MAGI1: variants seen among roughly 807,000 people sequenced by gnomAD.
MAGI1 encodes membrane-associated guanylate kinase, WW and PDZ domain-containing protein 1.
MAGI1 carries 58 observed loss-of-function variants against 139.9 expected under a neutral mutation model. The ratio of observed to expected loss-of-function variants is 0.41; its 90% CI spans 0.34 to 0.52. MAGI1 has a LOEUF of 0.52. Among genes scored for constraint, MAGI1 ranks in the 20% least tolerant of loss-of-function variants. The pLI, the probability that MAGI1 is intolerant of heterozygous loss-of-function variation, is 0.12. For missense variants in MAGI1, 1,874 were observed against 1,901.6 expected (o/e 0.99, Z 0.27); for synonymous variants, 812 against 737.9 (o/e 1.10, Z -1.63).
chr3:65,736,589 G>A (rs901116865), intron 1 of MAGI1, among the ~76,000 whole-genome samples: 12 of 152,094 alleles, frequency 7.9e-5, no homozygotes. Flanking sequence ...GGCAGCACTG[G>A]TATAAATCCT....
chr3:65,585,677 G>A (rs2081639804), intron 2 of MAGI1, among the ~76,000 whole-genome samples: 1 of 152,100 alleles, frequency 6.6e-6, no homozygotes, highest in Non-Finnish European at 1.5e-5. Context: ...TATCTACCTA[G>A]CAAAATGAAA....
chr3:65,453,370 T>C (rs762675742), intron 5 of MAGI1, 30 bp from the exon 6 acceptor site: 5 of 1,515,086 alleles, frequency 3.3e-6, no homozygotes, highest in East Asian at 2.3e-5. Flanking sequence ...ATAAGAAATT[T>C]GTTTGAAAAA....
At chr3:65,807,510 A>G (rs1295135712) in intron 1 of MAGI1, among the ~76,000 whole-genome samples, 3 of 152,180 alleles carry the variant, frequency 2.0e-5, no homozygotes, top group Admixed American at 6.5e-5. Context: ...CAGGAGAGGG[A>G]CACTTTCACA....
chr3:65,911,284 A>G (rs182085848), intron 1 of MAGI1, among the ~76,000 whole-genome samples: 641 of 152,070 alleles, frequency 4.2e-3, no homozygotes, highest in Non-Finnish European at 6.5e-3. Context: ...AAACTGGGAC[A>G]TTTGAACGTT....
intron 1 of MAGI1, among the ~76,000 whole-genome samples, chr3:65,734,886 G>A (rs2034578557): frequency 6.7e-6 from 1 of 149,488 alleles, no homozygotes; most frequent in African/African-American, 2.5e-5. Context: ...TGGGAGGTGA[G>A]GGGAGGAGAA....
At chr3:66,024,946 G>A (rs2068167530) in intron 1 of MAGI1, among the ~76,000 whole-genome samples, 1 of 152,106 alleles carries the variant, frequency 6.6e-6, no homozygotes, top group Non-Finnish European at 1.5e-5. Flanking sequence ...CAGCCAGAAG[G>A]GATATTAGTT....
At chr3:65,706,855 T>C (rs1055018285) in intron 1 of MAGI1, among the ~76,000 whole-genome samples, 4 of 152,208 alleles carry the variant, frequency 2.6e-5, no homozygotes, top group Admixed American at 2.6e-4. Flanking sequence ...TCCAGCATGT[T>C]ATTTTAATTG....
At chr3:65,740,457 A>C (rs1325441488) in intron 1 of MAGI1, among the ~76,000 whole-genome samples, 1 of 152,172 alleles carries the variant, frequency 6.6e-6, no homozygotes, top group African/African-American at 2.4e-5. Context: ...GAACCTGGAA[A>C]GCCCAAATCT....
chr3:65,931,851 T>TTGTACGAATGAC (rs147527105), intron 1 of MAGI1, among the ~76,000 whole-genome samples: 3,253 of 152,276 alleles, frequency 0.021, 80 homozygotes, highest in African/African-American at 0.061. Flanking sequence ...ACTACCTATA[T>TTGTACGAATGAC]TTTTTATTGC....
Position 65,443,966 on chromosome 3 carries a change from T to C in MAGI1, c.1079-1117A>G, listed in dbSNP as rs563470951. On this transcript the variant is annotated intron_variant, in intron 7 of 22. Transcript: ENST00000402939. ...ACATATACCACAAACAGTTCCAGAC[T>C]GAGGTAGAGGCATGCACATGCACAC... Among the ~76,000 whole-genome samples the C allele has an allele frequency of 2.0e-5, 3 of 152,280 alleles. No homozygotes were observed. In the East Asian group the frequency reaches 5.8e-4, roughly 29 times the overall value.
intron 1 of MAGI1, among the ~76,000 whole-genome samples, chr3:65,692,684 G>T (rs760635652): frequency 6.6e-6 from 1 of 152,118 alleles, no homozygotes; most frequent in East Asian, 1.9e-4. Flanking sequence ...AAGTGATTGG[G>T]TCATGAGGGC....
chr3:65,510,237 C>T (rs1323994431), intron 2 of MAGI1, among the ~76,000 whole-genome samples: 49 of 152,308 alleles, frequency 3.2e-4, no homozygotes, highest in Non-Finnish European at 2.9e-4. Context: ...AACTGTAAAA[C>T]GCAGAGCGCC....
chr3:65,509,497 C>G (rs529012551), intron 2 of MAGI1, among the ~76,000 whole-genome samples: 2 of 152,156 alleles, frequency 1.3e-5, no homozygotes, highest in East Asian at 3.9e-4. Context: ...ACTTGGGAAG[C>G]GCAAGGGGCC....
chr3:65,718,087 T>A (rs2032495085), intron 1 of MAGI1, among the ~76,000 whole-genome samples: 1 of 152,192 alleles, frequency 6.6e-6, no homozygotes, highest in African/African-American at 2.4e-5. Context: ...GGACCTTGAA[T>A]TGATTGGTCT....
chr3:65,751,834 A>G (rs2036177482), intron 1 of MAGI1, among the ~76,000 whole-genome samples: 1 of 152,272 alleles, frequency 6.6e-6, no homozygotes, highest in African/African-American at 2.4e-5. Context: ...CTTGATCTCC[A>G]TCCAATTTTA....
intron 1 of MAGI1, among the ~76,000 whole-genome samples, chr3:65,813,412 G>A (rs905222297): frequency 3.3e-5 from 5 of 152,064 alleles, no homozygotes; most frequent in Non-Finnish European, 1.5e-5. Context: ...AAGGAAATAG[G>A]AAGGAGATGC....
At chr3:65,843,306 A>C (rs1048258000) in intron 1 of MAGI1, among the ~76,000 whole-genome samples, 1 of 152,172 alleles carries the variant, frequency 6.6e-6, no homozygotes, top group Non-Finnish European at 1.5e-5. Context: ...AACCAGGAGA[A>C]TGATCCTGGG....
At chr3:65,979,371 T>G (rs934788314) in intron 1 of MAGI1, among the ~76,000 whole-genome samples, 1 of 152,140 alleles carries the variant, frequency 6.6e-6, no homozygotes, top group African/African-American at 2.4e-5. Context: ...TCCGTTTCCT[T>G]CAGGAGCAGT....
At chr3:65,849,743 A>C (rs2059141978) in intron 1 of MAGI1, among the ~76,000 whole-genome samples, 1 of 152,152 alleles carries the variant, frequency 6.6e-6, no homozygotes. Context: ...TATTTCTTCT[A>C]CACAATGGTT....
Sources: gnomAD v4.1 joint callset for allele counts (sites outside exome capture counted in the v4.1 genomes callset) on GRCh38, gnomAD v4.1.1 for gene constraint, MANE v1.5 for transcripts, NCBI Gene and HGNC (gene_info 2026-07-23, HGNC 2026-07-21) for gene names.